Variants in TAOK1 observed in about 807,000 individuals in gnomAD.
TAOK1 encodes serine/threonine-protein kinase TAO1.
Under a neutral mutation model 138.3 loss-of-function variants are expected in TAOK1, and 21 were observed. That is an observed-to-expected ratio of 0.15 (90% CI 0.11 to 0.22). TAOK1 has a LOEUF of 0.22. Ranked by LOEUF, TAOK1 falls within the 10% of genes least tolerant of loss-of-function variation. TAOK1 has a pLI of 1.00. For synonymous variants in TAOK1, 361 were observed against 398.4 expected (o/e 0.91, Z 1.12); for missense variants, 651 against 1,227.7 (o/e 0.53, Z 7.02).
intron 1 of TAOK1, among the ~76,000 whole-genome samples, chr17:29,434,897 T>G (rs1408805558): frequency 6.6e-6 from 1 of 152,156 alleles, no homozygotes; most frequent in East Asian, 1.9e-4. Context: ...TTGCATGGAC[T>G]CCTTGTAAGC....
intron 2 of TAOK1, among the ~76,000 whole-genome samples, chr17:29,466,896 C>A (rs1181219989): frequency 6.6e-6 from 1 of 152,006 alleles, no homozygotes; most frequent in Non-Finnish European, 1.5e-5. Flanking sequence ...CTGTATTTTT[C>A]TTCTCAGATT....
At chr17:29,501,233 A>G (rs953626852) in intron 12 of TAOK1, among the ~76,000 whole-genome samples, 1 of 150,958 alleles carries the variant, frequency 6.6e-6, no homozygotes, top group Admixed American at 6.6e-5. Context: ...AAAAAAAAAA[A>G]AAAAAAAAAG....
At chr17:29,466,024 C>A (rs1022113793) in intron 2 of TAOK1, among the ~76,000 whole-genome samples, 1 of 152,004 alleles carries the variant, frequency 6.6e-6, no homozygotes, top group East Asian at 1.9e-4. Context: ...CAATTGAATA[C>A]ATTTAGCGTT....
At chr17:29,462,185 A>T (rs1485529005) in intron 2 of TAOK1, among the ~76,000 whole-genome samples, 2 of 152,196 alleles carry the variant, frequency 1.3e-5, no homozygotes, top group East Asian at 3.9e-4. Flanking sequence ...ATTGGCAGGG[A>T]TCACCTTAAA....
chr17:29,523,683 G>T (rs2031960285), intron 17 of TAOK1, among the ~76,000 whole-genome samples: 1 of 152,114 alleles, frequency 6.6e-6, no homozygotes, highest in African/African-American at 2.4e-5. Context: ...ACCGCACCTG[G>T]CCCACATGAA....
chr17:29,489,487 G>C lies in TAOK1; in HGVS notation c.656-177G>C, dbSNP rs574196790. On this transcript the variant is annotated intron_variant, in intron 8 of 19. Coordinates refer to ENST00000261716, the MANE Select transcript of TAOK1 (RefSeq NM_020791.4). ...CACTCCAGCCTGGGTGACAGAGCAAGACCCTATCTCAGAAAAAAAATAAAA... is the reference window on the plus strand; with the variant it reads ...CACTCCAGCCTGGGTGACAGAGCAACACCCTATCTCAGAAAAAAAATAAAA... 2.7e-3 allele frequency among the ~76,000 whole-genome samples: 415 copies of C among 151,354 alleles called. 1 individual carries two copies. The highest frequency in any genetic ancestry group is 9.3e-3 in the African/African-American group (385 of 41,226).
intron 3 of TAOK1, among the ~76,000 whole-genome samples, chr17:29,475,467 A>C (rs2030924507): frequency 6.6e-6 from 1 of 152,088 alleles, no homozygotes; most frequent in South Asian, 2.1e-4. Flanking sequence ...TTGAGCCCAC[A>C]AGATGGAGGT....
chr17:29,412,968 C>T (rs1403035658), intron 1 of TAOK1, among the ~76,000 whole-genome samples: 7 of 152,142 alleles, frequency 4.6e-5, no homozygotes, highest in African/African-American at 1.4e-4. Context: ...TGCACATGTG[C>T]ATTTTTCTAG....
In TAOK1 at chr17:29,480,489, T is replaced by C. The variant is rs1277140060; in HGVS notation, c.563+8T>C. 1 of 1,606,350 alleles carries C rather than the reference T, an allele frequency of 6.2e-7. No homozygotes were observed. The highest frequency in any genetic ancestry group is 1.1e-5 in the South Asian group (1 of 90,466). On this transcript the variant is annotated splice_region_variant and intron_variant, in intron 7 of 19. Coordinates refer to ENST00000261716, the MANE Select transcript of TAOK1 (RefSeq NM_020791.4). Reference sequence around the variant, plus strand: ...TGTGGGAACGCCGTATTGGTAAGAATAGTTAAAGCAGTCAGCAGCTGTTTT... The same window carrying C: ...TGTGGGAACGCCGTATTGGTAAGAACAGTTAAAGCAGTCAGCAGCTGTTTT...
chr17:29,523,728 G>C (rs1179927930), intron 17 of TAOK1, among the ~76,000 whole-genome samples: 1 of 152,094 alleles, frequency 6.6e-6, no homozygotes, highest in Non-Finnish European at 1.5e-5. Flanking sequence ...ATCTGTCATC[G>C]ATGATAAGCA....
chr17:29,485,698 T>C (rs1288172957), intron 8 of TAOK1, among the ~76,000 whole-genome samples: 1 of 152,234 alleles, frequency 6.6e-6, no homozygotes, highest in Non-Finnish European at 1.5e-5. Context: ...TAGTCATTTT[T>C]CCCATTGAGA....
chr17:29,498,701 T>C (rs879431031), intron 12 of TAOK1, among the ~76,000 whole-genome samples, 180 bp downstream of exon 12: 6 of 152,144 alleles, frequency 3.9e-5, no homozygotes, highest in Non-Finnish European at 8.8e-5. Flanking sequence ...GTGGATCACT[T>C]GAGGCCAGGA....
intron 2 of TAOK1, among the ~76,000 whole-genome samples, chr17:29,465,709 C>T (rs749968567): frequency 3.9e-5 from 6 of 151,920 alleles, no homozygotes; most frequent in Admixed American, 3.9e-4. Context: ...TGGTTTCTAA[C>T]CCTTTTATTA....
At chr17:29,533,184 G>T (rs1219325993) in intron 18 of TAOK1, among the ~76,000 whole-genome samples, 1 of 137,932 alleles carries the variant, frequency 7.2e-6, no homozygotes, top group African/African-American at 2.8e-5. Context: ...GGGCAGAGGC[G>T]CTCCTCACAT....
chr17:29,444,050 G>C (rs1336734566), intron 1 of TAOK1, among the ~76,000 whole-genome samples: 2 of 152,068 alleles, frequency 1.3e-5, no homozygotes, highest in South Asian at 4.1e-4. Flanking sequence ...GGGAGACAGA[G>C]GTTGCAATGA....
intron 17 of TAOK1, among the ~76,000 whole-genome samples, chr17:29,528,046 T>TTGTG (rs534707475): frequency 1.3e-5 from 2 of 151,740 alleles, no homozygotes; most frequent in South Asian, 2.1e-4. Context: ...TTTGTTTGTT[T>TTGTG]TGTGTGTGTG....
chr17:29,448,106 C>G (rs1479217826), intron 1 of TAOK1, among the ~76,000 whole-genome samples: 3 of 150,804 alleles, frequency 2.0e-5, no homozygotes, highest in Non-Finnish European at 4.4e-5. Context: ...TTTCTTACTG[C>G]TTTGCATGTA....
intron 15 of TAOK1, among the ~76,000 whole-genome samples, chr17:29,516,654 A>T (rs2031821838): frequency 6.6e-6 from 1 of 151,434 alleles, no homozygotes; most frequent in African/African-American, 2.4e-5. Flanking sequence ...GGTGTGCACC[A>T]CCATGTCTGG....
At chr17:29,447,201 C>T (rs910166027) in intron 1 of TAOK1, among the ~76,000 whole-genome samples, 1 of 152,036 alleles carries the variant, frequency 6.6e-6, no homozygotes, top group Non-Finnish European at 1.5e-5. Context: ...TAGGCACCCA[C>T]CACCATGTCT....
Sources: gnomAD v4.1 joint callset for allele counts (sites outside exome capture counted in the v4.1 genomes callset) on GRCh38, gnomAD v4.1.1 for gene constraint, MANE v1.5 for transcripts, NCBI Gene and HGNC (gene_info 2026-07-23, HGNC 2026-07-21) for gene names.